Variants in RBM48 observed in about 807,000 individuals in gnomAD.
The protein encoded by RBM48 is RNA-binding protein 48.
Under a neutral mutation model 34.8 loss-of-function variants are expected in RBM48, and 32 were observed. The ratio of observed to expected loss-of-function variants is 0.92; its 90% CI spans 0.69 to 1.23. The LOEUF (loss-of-function observed/expected upper bound fraction) is 1.23. Among genes scored for constraint, RBM48 ranks in the 50% most tolerant of loss-of-function variants. The probability of loss-of-function intolerance (pLI) is 0.00; values close to 1 mark genes in which losing one functional copy is unlikely to be tolerated. For synonymous variants in RBM48, 151 were observed against 156.2 expected, an observed-to-expected ratio of 0.97 and a Z score of 0.25; for missense variants, 441 against 447.2, an observed-to-expected ratio of 0.99 and a Z score of 0.12.
In RBM48 at chr7:92,536,883, C is replaced by T. The variant is rs79672547; in HGVS notation, c.1050C>T (p.Asp350=). ...VISSVPKPPE[D]KPEDVHTSHP... ...CATCTGTGCCAAAGCCTCCAGAGGA[C>T]AAGCCAGAAGATGTACATACAAGTC... The change falls in exon 5 of 5, where the codon GAC becomes GAT. Residue 350 remains aspartate, a synonymous_variant. Coordinates refer to ENST00000265732, the MANE Select transcript of RBM48 (RefSeq NM_032120.4). 3 of 1,607,200 alleles carry T rather than the reference C, an allele frequency of 1.9e-6. No individual in the cohort carries two copies. The highest frequency in any genetic ancestry group is 8.5e-7 in the Non-Finnish European group (1 of 1,177,534).
At position 92,534,926 on chromosome 7, in the gene RBM48, T is replaced by C. The variant is rs1562878212; in HGVS notation, c.973T>C (p.Ser325Pro). 1 of 1,614,074 alleles carries C rather than the reference T, an allele frequency of 6.2e-7. No homozygotes were observed. The highest frequency in any genetic ancestry group is 8.5e-7 in the Non-Finnish European group (1 of 1,180,026). The change falls in exon 4 of 5, where the codon TCA (serine) becomes CCA (proline). Residue 325 changes from serine (S) to proline (P), a missense_variant. Transcript: ENST00000265732. Reference protein sequence around the residue: ...DISKVDMHDDSLNTTANLIRH... With the variant: ...DISKVDMHDDPLNTTANLIRH... Reference sequence around the variant, plus strand: ...CTCTAAAGTGGATATGCACGATGACTCATTGAATACAACGGCGAATTTAAT... The same window carrying C: ...CTCTAAAGTGGATATGCACGATGACCCATTGAATACAACGGCGAATTTAAT...
rs1184825699 is a variant in RBM48, at chr7:92,539,740, T to TG, written c.*2804dup. ...GTATACCATGTTTGAAAAGCATAGT[T>TG]GATAAAGGAAGAACATGTAAGGCAA... On this transcript the variant is annotated 3_prime_UTR_variant, in exon 5 of 5. Coordinates refer to ENST00000265732, the MANE Select transcript of RBM48 (RefSeq NM_032120.4). Among the ~76,000 whole-genome samples the TG allele has an allele frequency of 1.3e-5, 2 of 152,188 alleles. No individual in the cohort carries two copies. The highest frequency in any genetic ancestry group is 6.5e-5 in the Admixed American group (1 of 15,276).
rs373064806 is a variant in RBM48, at chr7:92,528,925, G to A, written c.111+1G>A. 1.2e-6 allele frequency: 2 copies of A among 1,610,856 alleles called. No individual in the cohort carries two copies. Among genetic ancestry groups the A allele is most frequent in the Non-Finnish European group, 1.7e-6 (2 of 1,177,540 alleles). ...GGGACGACGGCCTCGTGCTGTGAAG[G>A]TAAAGTGATTTTGGTTTCATTCGCT... On this transcript the variant is annotated splice_donor_variant, in intron 1 of 4. Transcript: ENST00000265732. LOFTEE classifies it high-confidence loss of function.
chr7:92,532,521 A>C lies in RBM48; in HGVS notation c.420A>C (p.Ala140=), dbSNP rs75703315. The change falls in exon 3 of 5, where the codon GCA becomes GCC. Residue 140 remains alanine (A), a synonymous_variant. Transcript: ENST00000265732. ...ETRKKLQMRK[A]YVVKTTENKD... is the part of the protein sequence containing the mutation. The stretch of plus-strand genomic sequence containing the variant: ...GAAAAAAACTACAAATGCGGAAGGC[A>C]TATGTAGTAAAAACTACTGAAAATA... 0.022 allele frequency: 35,818 copies of C among 1,612,608 alleles called. 521 individuals are homozygous for C. Among genetic ancestry groups the C allele is most frequent in the Middle Eastern group, 0.063 (368 of 5,818 alleles).
chr7:92,534,461 C>G lies in RBM48; in HGVS notation c.508C>G (p.Gln170Glu), dbSNP rs746319140. 2 of 1,613,962 alleles carry G rather than the reference C, an allele frequency of 1.2e-6. No individual in the cohort carries two copies. The highest frequency in any genetic ancestry group is 3.3e-4 in the Middle Eastern group (2 of 6,058). The change falls in exon 4 of 5, where the codon CAA becomes GAA. Residue 170 changes from glutamine to glutamate, a missense_variant. By Grantham distance (29) the Gln-to-Glu change is conservative. Coordinates refer to ENST00000265732, the MANE Select transcript of RBM48 (RefSeq NM_032120.4). Reference sequence around the variant, plus strand: ...GCATAAAGACACAGAGGATTTTAGACAAGACTTCCACTCAGAGATGTCTGG... The same window carrying G: ...GCATAAAGACACAGAGGATTTTAGAGAAGACTTCCACTCAGAGATGTCTGG... ...TEHKDTEDFR[Q>E]DFHSEMSGFC...
rs200075926 is a variant in RBM48 at position 92,534,562 on chromosome 7, A to T, written c.609A>T (p.Leu203Phe). 12 of 1,614,146 alleles carry T rather than the reference A, an allele frequency of 7.4e-6. No individual in the cohort carries two copies. In the East Asian group the frequency reaches 2.7e-4, roughly 36 times the overall value. The part of the protein sequence containing the change: ...PYLPYSCELP[L>F]CYFSSKCMCS... ...TTCCGTATTCCTGTGAATTGCCTTT[A>T]TGTTATTTCTCCTCAAAATGTATGT... Residue 203 changes from leucine to phenylalanine, a missense_variant, in exon 4 of 5, where the codon TTA (leucine) becomes TTT (phenylalanine). Coordinates refer to ENST00000265732, the MANE Select transcript of RBM48 (RefSeq NM_032120.4).
rs1793818603 is a variant in RBM48 at position 92,539,762 on chromosome 7, G to T, written c.*2825G>T. Among the ~76,000 whole-genome samples, 1 of 152,168 alleles carries T rather than the reference G, an allele frequency of 6.6e-6. No individual in the cohort carries two copies. Among genetic ancestry groups the T allele is most frequent in the African/African-American group, 2.4e-5 (1 of 41,450 alleles). On this transcript the variant is annotated 3_prime_UTR_variant, in exon 5 of 5. Transcript: ENST00000265732. ...AGTTGATAAAGGAAGAACATGTAAG[G>T]CAATTTTATGAGCCAAATCAATTAT... is the stretch of plus-strand genomic sequence containing the variant.
chr7:92,534,322 A>T (rs1793647835), intron 3 of RBM48, 80 bp from the exon 4 acceptor site: 1 of 1,472,096 alleles, frequency 6.8e-7, no homozygotes, highest in African/African-American at 1.4e-5. Flanking sequence ...TGATTTTTTT[A>T]AATTATATGA....
intron 4 of RBM48, chr7:92,536,445 T>A: frequency 1.0e-6 from 1 of 986,538 alleles, no homozygotes; most frequent in Non-Finnish European, 1.2e-6. Flanking sequence ...AAATTGAGGA[T>A]TATACTGCTT....
chr7:92,531,585 T>G (rs1429289350), intron 2 of RBM48, among the ~76,000 whole-genome samples: 1 of 152,240 alleles, frequency 6.6e-6, no homozygotes, highest in Non-Finnish European at 1.5e-5. Context: ...TAATTTCACT[T>G]TCTTAACCAA....
chr7:92,532,386 T>G lies in RBM48; in HGVS notation c.303-18T>G. ...AAATCTAGATTAAAAAACTATGCTA[T>G]CTTGTATTTCCATTCAGGACAGCCA... On this transcript the variant is annotated intron_variant, in intron 2 of 4. Coordinates refer to ENST00000265732, the MANE Select transcript of RBM48 (RefSeq NM_032120.4). The G allele has an allele frequency of 6.3e-7, 1 of 1,591,994 alleles. No homozygotes were observed. The highest frequency in any genetic ancestry group is 8.5e-7 in the Non-Finnish European group (1 of 1,170,554).
Position 92,536,887 on chromosome 7 carries a change from C to A in RBM48, c.1054C>A (p.Pro352Thr). The part of the protein sequence containing the change: ...SSVPKPPEDK[P>T]EDVHTSHPLK... ...TGTGCCAAAGCCTCCAGAGGACAAG[C>A]CAGAAGATGTACATACAAGTCATCC... is the stretch of plus-strand genomic sequence containing the variant. Residue 352 changes from proline to threonine, a missense_variant, in exon 5 of 5, where the codon CCA becomes ACA. Coordinates refer to ENST00000265732, the MANE Select transcript of RBM48 (RefSeq NM_032120.4). 1 of 1,607,886 alleles carries A rather than the reference C, an allele frequency of 6.2e-7. No individual in the cohort carries two copies. The highest frequency in any genetic ancestry group is 8.5e-7 in the Non-Finnish European group (1 of 1,177,548).
chr7:92,534,763 AG>A lies in RBM48; in HGVS notation c.811del (p.Val271LeufsTer38). 6.2e-7 allele frequency: 1 copy of A among 1,614,222 alleles called. No homozygotes were observed. The highest frequency in any genetic ancestry group is 8.5e-7 in the Non-Finnish European group (1 of 1,180,028). The stretch of plus-strand genomic sequence containing the variant: ...AAAAGGCTATTACGTCTTCAGAGGC[AG>A]TTGACAGATTTATGCCTAGGACAAC... ...AQKAITSSEA[V>X]DRFMPRTTQL... On this transcript the variant is annotated frameshift_variant, in exon 4 of 5. Transcript: ENST00000265732. LOFTEE classifies it high-confidence loss of function.
rs764422686 is a variant in RBM48, at chr7:92,529,541, G to A, written c.177G>A (p.Met59Ile). 1 of 1,611,914 alleles carries A rather than the reference G, an allele frequency of 6.2e-7. No homozygotes were observed. The change falls in exon 2 of 5, where the codon ATG (methionine) becomes ATA (isoleucine). Residue 59 changes from methionine (M) to isoleucine (I), a missense_variant. Met to Ile is a conservative substitution (Grantham distance 10). Transcript: ENST00000265732. ...LIQGVPAVGV[M>I]KELVERFALY... ...AAGGAGTTCCTGCTGTGGGAGTCAT[G>A]AAGGAATTAGTTGAGCGATTCGCTT...
chr7:92,539,228 C>T lies in RBM48; in HGVS notation c.*2291C>T, dbSNP rs1353094517. Among the ~76,000 whole-genome samples, 4 of 152,190 alleles carry T rather than the reference C, an allele frequency of 2.6e-5. No individual in the cohort carries two copies. Among genetic ancestry groups the T allele is most frequent in the South Asian group, 2.1e-4 (1 of 4,826 alleles). On this transcript the variant is annotated 3_prime_UTR_variant, in exon 5 of 5. Coordinates refer to ENST00000265732, the MANE Select transcript of RBM48 (RefSeq NM_032120.4). ...AGTCCATTATGCTATATACTGTTTT[C>T]GCTCATCTCTTTTCAGATTGGAAGC...
Position 92,534,681 on chromosome 7 carries a change from C to T in RBM48, c.728C>T (p.Ser243Phe), listed in dbSNP as rs753935591. Residue 243 changes from serine (S) to phenylalanine (F), a missense_variant, in exon 4 of 5, where the codon TCT becomes TTT. By Grantham distance (155) the Ser-to-Phe change is radical. Transcript: ENST00000265732. ...KTMGHYNHND[S>F]LRKTQINSLK... Reference sequence around the variant, plus strand: ...ATGGGGCATTATAACCACAATGACTCTTTGCGGAAAACACAGATAAACTCT... The same window carrying T: ...ATGGGGCATTATAACCACAATGACTTTTTGCGGAAAACACAGATAAACTCT... The T allele has an allele frequency of 2.5e-6, 4 of 1,614,174 alleles. No individual in the cohort carries two copies. In the South Asian group the frequency reaches 3.3e-5, roughly 13 times the overall value.
intron 4 of RBM48, chr7:92,535,987 A>G (rs1227275810): frequency 1.6e-5 from 6 of 381,364 alleles, no homozygotes; most frequent in Non-Finnish European, 2.2e-5. Flanking sequence ...ATATACAAAA[A>G]TTAGCCAGGC....
At chr7:92,536,371 C>G in intron 4 of RBM48, 1 of 984,130 alleles carries the variant, frequency 1.0e-6, no homozygotes, top group Non-Finnish European at 1.2e-6. Flanking sequence ...TTTGCTTTGA[C>G]TTATTGTATA....
At position 92,537,124 on chromosome 7, in the gene RBM48, C is replaced by T. The variant is rs977765934; in HGVS notation, c.*187C>T. The stretch of plus-strand genomic sequence containing the variant: ...GGGAGATGGAGTCTTGCTCTGTTGC[C>T]CAGGCTGGAATGCAGTGGCGTGATC... On this transcript the variant is annotated 3_prime_UTR_variant, in exon 5 of 5. Transcript: ENST00000265732. The T allele has an allele frequency of 2.0e-5, 9 of 439,832 alleles. No homozygotes were observed. The highest frequency in any genetic ancestry group is 3.3e-5 in the Non-Finnish European group (8 of 244,476). 27.2% of individuals were successfully genotyped at this position (439,832 alleles called of 1,614,324 possible).
Sources: allele counts gnomAD v4.1 joint callset (sites outside exome capture counted in the v4.1 genomes callset), GRCh38; gene constraint gnomAD v4.1.1; transcripts MANE v1.5; gene names NCBI Gene and HGNC (gene_info 2026-07-23, HGNC 2026-07-21).